Variants in TPP2 observed in about 807,000 individuals in gnomAD.
TPP2 encodes tripeptidyl-peptidase 2.
In TPP2, 34 loss-of-function variants were observed where a neutral mutation model predicts 155.9. That is an observed-to-expected ratio of 0.22 (90% confidence interval 0.17 to 0.29). The LOEUF (loss-of-function observed/expected upper bound fraction) is 0.29. Among genes scored for constraint, TPP2 ranks in the 10% least tolerant of loss-of-function variants. The pLI is 1.00. For synonymous variants in TPP2, 510 were observed against 529.4 expected (o/e 0.96, Z 0.50); for missense variants, 1,028 against 1,522.3 (o/e 0.68, Z 5.40).
intron 9 of TPP2, 107 bp from the exon 10 acceptor site, chr13:102,629,989 G>C (rs1263056840): frequency 2.4e-6 from 2 of 850,712 alleles, no homozygotes; most frequent in African/African-American, 1.7e-5. Context: ...TCGTATTAGA[G>C]AGAGGACTGG....
At chr13:102,639,208 A>T (rs1882590364) in intron 15 of TPP2, among the ~76,000 whole-genome samples, 1 of 152,226 alleles carries the variant, frequency 6.6e-6, no homozygotes, top group South Asian at 2.1e-4. Flanking sequence ...GACTACTGTT[A>T]TACAGGATGT....
intron 25 of TPP2, 142 bp from the exon 26 acceptor site, chr13:102,663,506 C>A: frequency 1.7e-6 from 1 of 579,240 alleles, no homozygotes; most frequent in Non-Finnish European, 2.8e-6. Context: ...TAATGATAAT[C>A]CTTGTCAATG....
Position 102,629,519 on chromosome 13 carries a change from C to G in TPP2, c.1054C>G (p.His352Asp). The G allele has an allele frequency of 6.5e-7, 1 of 1,529,384 alleles. No homozygotes were observed. The highest frequency in any genetic ancestry group is 8.7e-7 in the Non-Finnish European group (1 of 1,148,836). 94.7% of individuals were successfully genotyped at this position (1,529,384 alleles called of 1,614,324 possible). A position where few individuals can be genotyped will look rare whatever the true frequency, so the allele number is the denominator to read the frequency against. The change falls in exon 9 of 30, where the codon CAT becomes GAT. Residue 352 changes from histidine (H) to aspartate (D), a missense_variant. His to Asp is a moderately conservative substitution (Grantham distance 81). Transcript: ENST00000376052. ...AGTAATTAATGAAGCAGTATGGAAG[C>G]ATAATATAATTTATGTTTCAAGTGC... ...CEVINEAVWK[H>D]NIIYVSSAGN...
chr13:102,660,196 T>G (rs1884112933), intron 25 of TPP2, among the ~76,000 whole-genome samples: 2 of 150,114 alleles, frequency 1.3e-5, no homozygotes. Flanking sequence ...AAAAAAAAAA[T>G]AAAAATGAAC....
chr13:102,629,964 A>G lies in TPP2; in HGVS notation c.1145-132A>G, dbSNP rs1881907230. ...GTAGACTTTCCTTGTTTCCTTATTA[A>G]ATTTTATTCTTCCATCGTATTAGAG... On this transcript the variant is annotated intron_variant, in intron 9 of 29. Transcript: ENST00000376052. 3 of 718,414 alleles carry G rather than the reference A, an allele frequency of 4.2e-6. No individual in the cohort carries two copies. The African/African-American group carries it at 5.4e-5, about 13-fold the overall frequency. 44.5% of individuals were successfully genotyped at this position (718,414 alleles called of 1,614,324 possible). A position where few individuals can be genotyped will look rare whatever the true frequency, so the allele number is the denominator to read the frequency against.
At chr13:102,640,796 C>T (rs757090207) in intron 16 of TPP2, among the ~76,000 whole-genome samples, 2 of 151,732 alleles carry the variant, frequency 1.3e-5, no homozygotes, top group Admixed American at 1.3e-4. Flanking sequence ...GACTAGCAGG[C>T]GTGTGCTACC....
intron 17 of TPP2, 100 bp from the exon 18 acceptor site, chr13:102,644,457 A>C: frequency 9.9e-7 from 1 of 1,012,000 alleles, no homozygotes; most frequent in South Asian, 1.9e-5. Context: ...ACAAACAGGA[A>C]AAGTTTGAAA....
At chr13:102,622,304 G>A (rs916190937) in intron 5 of TPP2, among the ~76,000 whole-genome samples, 6 of 152,088 alleles carry the variant, frequency 3.9e-5, no homozygotes, top group Non-Finnish European at 7.4e-5. Context: ...TTTTAATCAG[G>A]CTATCTTCTA....
chr13:102,635,475 A>G, intron 11 of TPP2, 112 bp from the exon 12 acceptor site: 1 of 679,352 alleles, frequency 1.5e-6, no homozygotes, highest in Non-Finnish European at 2.5e-6. Context: ...AATGAGTGTT[A>G]GAACACAAGA....
At chr13:102,627,701 AGGTATAT>A in intron 7 of TPP2, 140 bp from the exon 8 acceptor site, 1 of 547,870 alleles carries the variant, frequency 1.8e-6, no homozygotes, top group Non-Finnish European at 3.2e-6. Context: ...TTATATGTCC[AGGTATAT>A]GGTGATATGC....
intron 1 of TPP2, among the ~76,000 whole-genome samples, chr13:102,599,900 A>G (rs1309280056): frequency 2.0e-5 from 3 of 151,762 alleles, no homozygotes; most frequent in East Asian, 3.9e-4. Flanking sequence ...AGACCAGAAT[A>G]TATGTATGCA....
intron 25 of TPP2, among the ~76,000 whole-genome samples, chr13:102,660,434 T>G (rs920573325): frequency 8.9e-6 from 1 of 112,196 alleles, no homozygotes; most frequent in Non-Finnish European, 1.9e-5. Context: ...AGGAACATGT[T>G]TAACAAGAGA....
intron 5 of TPP2, among the ~76,000 whole-genome samples, chr13:102,621,711 A>G (rs570173140): frequency 1.3e-5 from 2 of 152,334 alleles, no homozygotes; most frequent in South Asian, 2.1e-4. Flanking sequence ...CAACAGCGGT[A>G]AGGAAGAGAC....
Position 102,626,998 on chromosome 13 carries a change from C to T in TPP2, c.785-14C>T. On this transcript the variant is annotated splice_polypyrimidine_tract_variant and intron_variant, in intron 6 of 29. Transcript: ENST00000376052. ...TGAGAATGTTTTGTCATTTCCCCACCTTTGTGTCTCTAGGAGCTCATGGGA... is the reference window on the plus strand; with the variant it reads ...TGAGAATGTTTTGTCATTTCCCCACTTTTGTGTCTCTAGGAGCTCATGGGA... 1 of 1,513,832 alleles carries T rather than the reference C, an allele frequency of 6.6e-7. No individual in the cohort carries two copies. Among genetic ancestry groups the T allele is most frequent in the Non-Finnish European group, 8.8e-7 (1 of 1,132,458 alleles). 93.8% of individuals were successfully genotyped at this position (1,513,832 alleles called of 1,614,324 possible).
rs747240138 is a variant in TPP2 at position 102,597,243 on chromosome 13, CGGCCGGGGACGCGGGT to C, written c.165+43_165+58del. ...GAGGGCCCGGGCGCGGGGGCGCGGG[CGGCCGGGGACGCGGGT>C]GGGGACACAGTCTCGGAGCCCGGCA... On this transcript the variant is annotated intron_variant, in intron 1 of 29. Coordinates refer to ENST00000376052, the MANE Select transcript of TPP2 (RefSeq NM_001330588.2). 3.9e-5 allele frequency: 46 copies of C among 1,190,242 alleles called. No individual in the cohort carries two copies. The African/African-American group carries it at 6.5e-4, about 17-fold the overall frequency. 73.7% of individuals were successfully genotyped at this position (1,190,242 alleles called of 1,614,324 possible). A position where few individuals can be genotyped will look rare whatever the true frequency, so the allele number is the denominator to read the frequency against.
intron 2 of TPP2, among the ~76,000 whole-genome samples, chr13:102,613,339 T>A (rs1880462227): frequency 6.6e-6 from 1 of 152,188 alleles, no homozygotes; most frequent in Admixed American, 6.5e-5. Flanking sequence ...CAAGTGAGGA[T>A]TGATGAGGCT....
At chr13:102,597,232 G>C in intron 1 of TPP2, 29 bp downstream of exon 1, 2 of 1,297,514 alleles carry the variant, frequency 1.5e-6, no homozygotes, top group Non-Finnish European at 2.0e-6. Context: ...GCCCGGGCGC[G>C]GGGGCGCGGG....
intron 8 of TPP2, among the ~76,000 whole-genome samples, chr13:102,628,686 C>CT (rs1266509036): frequency 2.0e-5 from 3 of 152,136 alleles, no homozygotes; most frequent in African/African-American, 7.2e-5. Flanking sequence ...TTGATCATCT[C>CT]TCCCCCATTC....
intron 11 of TPP2, 59 bp downstream of exon 11, chr13:102,634,157 G>C: frequency 1.2e-6 from 2 of 1,603,146 alleles, no homozygotes; most frequent in Non-Finnish European, 1.7e-6. Flanking sequence ...GTTTTCTGAA[G>C]CTCTCATGGT....
Sources: allele counts gnomAD v4.1 joint callset (sites outside exome capture counted in the v4.1 genomes callset), GRCh38; gene constraint gnomAD v4.1.1; transcripts MANE v1.5; gene names NCBI Gene and HGNC (gene_info 2026-07-23, HGNC 2026-07-21).